RBFOX1: variants seen among roughly 807,000 people sequenced by gnomAD.
RBFOX1 encodes RNA binding protein fox-1 homolog 1.
RBFOX1 carries 8 observed loss-of-function variants against 57.7 expected under a neutral mutation model. The ratio of observed to expected loss-of-function variants is 0.14; its 90% CI spans 0.08 to 0.25. The LOEUF is 0.25. Among genes scored for constraint, RBFOX1 ranks in the 10% least tolerant of loss-of-function variants. The pLI, the probability that RBFOX1 is intolerant of heterozygous loss-of-function variation, is 1.00. For missense variants in RBFOX1, 611 were observed against 548.5 expected (o/e 1.11, Z -1.14); for synonymous variants, 326 against 222.4 (o/e 1.47, Z -4.15).
At chr16:6,021,819 C>T (rs771540279) in intron 1 of RBFOX1, among the ~76,000 whole-genome samples, 2 of 152,148 alleles carry the variant, frequency 1.3e-5, no homozygotes, top group East Asian at 1.9e-4. Flanking sequence ...GAGTTTCAGT[C>T]GTAGTTCTGT....
intron 3 of RBFOX1, among the ~76,000 whole-genome samples, chr16:5,605,560 C>G (rs1318453562): frequency 6.6e-6 from 1 of 151,832 alleles, no homozygotes; most frequent in East Asian, 1.9e-4. Flanking sequence ...TTAGTAATGT[C>G]TGCCATGGGT....
At position 6,564,842 on chromosome 16, in the gene RBFOX1, A is replaced by T. The variant is rs183965666; in HGVS notation, c.-63-89761A>T. On this transcript the variant is annotated intron_variant, in intron 2 of 15. Transcript: ENST00000550418. Reference sequence around the variant, plus strand: ...TTCAGTCCTTATTTAAAAATTTTTTAAAATTAAAGCATTTGCGGCTGGGCA... The same window carrying T: ...TTCAGTCCTTATTTAAAAATTTTTTTAAATTAAAGCATTTGCGGCTGGGCA... 8.5e-5 allele frequency among the ~76,000 whole-genome samples: 13 copies of T among 152,292 alleles called. No individual in the cohort carries two copies. The East Asian group carries it at 1.9e-3, about 23-fold the overall frequency.
chr16:5,865,798 A>G (rs957768817), intron 3 of RBFOX1, among the ~76,000 whole-genome samples: 3 of 152,124 alleles, frequency 2.0e-5, no homozygotes, highest in Non-Finnish European at 4.4e-5. Context: ...AGAGTTCAAG[A>G]TGAAGGTACC....
chr16:6,184,925 T>C (rs2097095527), intron 1 of RBFOX1, among the ~76,000 whole-genome samples: 1 of 152,004 alleles, frequency 6.6e-6, no homozygotes. Context: ...CCAAGATGGA[T>C]TGCAAGAGAA....
intron 4 of RBFOX1, among the ~76,000 whole-genome samples, chr16:7,343,144 C>T (rs908679247): frequency 3.3e-5 from 5 of 152,072 alleles, no homozygotes; most frequent in Admixed American, 6.5e-5. Flanking sequence ...TCTGGCACAC[C>T]GTGGGCGCTT....
At chr16:7,075,030 A>G (rs2058048633) in intron 4 of RBFOX1, among the ~76,000 whole-genome samples, 1 of 152,152 alleles carries the variant, frequency 6.6e-6, no homozygotes, top group Non-Finnish European at 1.5e-5. Flanking sequence ...AAAAAGGGGC[A>G]AAGGAACTCC....
chr16:7,191,396 G>T (rs1163218840), intron 4 of RBFOX1, among the ~76,000 whole-genome samples: 4 of 151,456 alleles, frequency 2.6e-5, no homozygotes, highest in Non-Finnish European at 5.9e-5. Flanking sequence ...ACAATACACT[G>T]TGACAAATGG....
chr16:6,388,695 G>T lies in RBFOX1; in HGVS notation c.-64+71638G>T, dbSNP rs566760392. 3.9e-5 allele frequency among the ~76,000 whole-genome samples: 6 copies of T among 152,244 alleles called. No individual in the cohort carries two copies. In the East Asian group the frequency reaches 1.2e-3, roughly 30 times the overall value. On this transcript the variant is annotated intron_variant, in intron 2 of 15. Coordinates refer to ENST00000550418, the MANE Select transcript of RBFOX1 (RefSeq NM_018723.4). Reference sequence around the variant, plus strand: ...TTTGAGGCTGCAGGGAGCTATGATTGTGTCACTGCCTTCTAGCTTGGATGA... The same window carrying T: ...TTTGAGGCTGCAGGGAGCTATGATTTTGTCACTGCCTTCTAGCTTGGATGA...
chr16:7,334,209 C>T (rs140222395), intron 4 of RBFOX1, among the ~76,000 whole-genome samples: 55 of 152,194 alleles, frequency 3.6e-4, no homozygotes, highest in African/African-American at 1.2e-3. Flanking sequence ...CAAGTCACAA[C>T]AAAACATTCT....
At chr16:7,622,952 G>T (rs958439663) in intron 10 of RBFOX1, among the ~76,000 whole-genome samples, 1 of 152,172 alleles carries the variant, frequency 6.6e-6, no homozygotes, top group Non-Finnish European at 1.5e-5. Flanking sequence ...GTTCAAAAAT[G>T]CATGACTGTA....
intron 2 of RBFOX1, among the ~76,000 whole-genome samples, chr16:5,590,215 T>G (rs752234215): frequency 4.6e-5 from 7 of 152,164 alleles, no homozygotes; most frequent in Non-Finnish European, 7.3e-5. Flanking sequence ...GCATAGTCAG[T>G]CAAATAAATT....
At chr16:7,516,321 T>C (rs1386644408) in intron 4 of RBFOX1, among the ~76,000 whole-genome samples, 1 of 151,584 alleles carries the variant, frequency 6.6e-6, no homozygotes, top group Non-Finnish European at 1.5e-5. Context: ...TGAACGCAAA[T>C]CCATGGGACT....
chr16:7,103,265 A>C (rs1019240166), intron 4 of RBFOX1, among the ~76,000 whole-genome samples: 1 of 152,158 alleles, frequency 6.6e-6, no homozygotes, highest in Admixed American at 6.6e-5. Context: ...CCAGAACTTT[A>C]ACTGTTTTGA....
intron 3 of RBFOX1, among the ~76,000 whole-genome samples, chr16:6,841,728 G>A (rs933352294): frequency 6.6e-6 from 1 of 152,130 alleles, no homozygotes; most frequent in African/African-American, 2.4e-5. Flanking sequence ...TCTAAGAAGT[G>A]GATGTGGTCC....
At chr16:6,997,090 C>T (rs2092320301) in intron 3 of RBFOX1, among the ~76,000 whole-genome samples, 1 of 151,996 alleles carries the variant, frequency 6.6e-6, no homozygotes, top group African/African-American at 2.4e-5. Flanking sequence ...CAGGAAGTAC[C>T]TTTTGTTGTG....
At chr16:5,680,124 G>C (rs1308377042) in intron 3 of RBFOX1, among the ~76,000 whole-genome samples, 6 of 152,184 alleles carry the variant, frequency 3.9e-5, no homozygotes, top group Non-Finnish European at 8.8e-5. Flanking sequence ...CATGAGACTG[G>C]CAGAGGAGAA....
In RBFOX1 at chr16:6,919,581, A is replaced by G. The variant is rs950009660; in HGVS notation, c.-15-132476A>G. On this transcript the variant is annotated intron_variant, in intron 3 of 15. Coordinates refer to ENST00000550418, the MANE Select transcript of RBFOX1 (RefSeq NM_018723.4). ...ATTTCTCCACTTCCTATGGCTTGAAATTTGTTTTAAAGGAAACCCTGGTAT... is the reference window on the plus strand; with the variant it reads ...ATTTCTCCACTTCCTATGGCTTGAAGTTTGTTTTAAAGGAAACCCTGGTAT... Among the ~76,000 whole-genome samples, 78 of 152,114 alleles carry G rather than the reference A, an allele frequency of 5.1e-4. 2 individuals carry two copies. The highest frequency in any genetic ancestry group is 2.6e-4 in the Admixed American group (4 of 15,278).
chr16:6,377,746 A>G (rs2091354079), intron 2 of RBFOX1, among the ~76,000 whole-genome samples: 3 of 152,234 alleles, frequency 2.0e-5, no homozygotes, highest in Admixed American at 2.0e-4. Flanking sequence ...ATCATATAAA[A>G]TGTTTGGCAC....
At chr16:7,045,443 TG>T (rs2047582993) in intron 3 of RBFOX1, among the ~76,000 whole-genome samples, 1 of 152,208 alleles carries the variant, frequency 6.6e-6, no homozygotes, top group South Asian at 2.1e-4. Context: ...TGGCTTCATT[TG>T]AAGGACAGCA....
Sources: gnomAD v4.1 joint callset for allele counts (sites outside exome capture counted in the v4.1 genomes callset) on GRCh38, gnomAD v4.1.1 for gene constraint, MANE v1.5 for transcripts, NCBI Gene and HGNC (gene_info 2026-07-23, HGNC 2026-07-21) for gene names.